The following CDKAL1 variants were observed in gnomAD, a reference collection of about 807,000 sequenced individuals.
The protein encoded by CDKAL1 is CDKAL1 threonylcarbamoyladenosine tRNA methylthiotransferase, also known as threonylcarbamoyladenosine tRNA methylthiotransferase.
In CDKAL1, 32 loss-of-function variants were observed where a neutral mutation model predicts 68.2. The observed-to-expected ratio is 0.47, with a 90% CI of 0.35 to 0.63. CDKAL1 has a LOEUF of 0.63. Among genes scored for constraint, CDKAL1 ranks in the 30% least tolerant of loss-of-function variants. The pLI is 0.00. For synonymous variants in CDKAL1, 234 were observed against 244.3 expected (o/e 0.96, Z 0.39); for missense variants, 606 against 696.7 (o/e 0.87, Z 1.47).
intron 10 of CDKAL1, among the ~76,000 whole-genome samples, chr6:20,972,108 A>C (rs1765628382): frequency 6.6e-6 from 1 of 152,236 alleles, no homozygotes; most frequent in South Asian, 2.1e-4. Flanking sequence ...TCAACACCTG[A>C]GAAAGAAACA....
At chr6:21,062,911 TTTG>T (rs1771221092) in intron 11 of CDKAL1, among the ~76,000 whole-genome samples, 1 of 6,080 alleles carries the variant, frequency 1.6e-4, no homozygotes, top group African/African-American at 4.0e-3. Flanking sequence ...CTGTTTTTTG[TTTG>T]TTTGTTTGTT....
intron 11 of CDKAL1, among the ~76,000 whole-genome samples, chr6:21,038,542 CT>C (rs1399870248): frequency 1.1e-4 from 16 of 152,336 alleles, no homozygotes; most frequent in African/African-American, 3.6e-4. Context: ...TCTGAAATTA[CT>C]TTTAAAATGG....
intron 10 of CDKAL1, among the ~76,000 whole-genome samples, chr6:20,962,177 A>G (rs1212047035): frequency 6.6e-6 from 1 of 152,242 alleles, no homozygotes; most frequent in African/African-American, 2.4e-5. Context: ...GCCAAACAAC[A>G]TTGACACTAA....
intron 11 of CDKAL1, among the ~76,000 whole-genome samples, chr6:21,019,686 G>A (rs529281346): frequency 3.9e-5 from 6 of 152,260 alleles, no homozygotes; most frequent in Admixed American, 6.5e-5. Context: ...GTGCATCACC[G>A]TGATTTCCGA....
chr6:20,943,020 A>C (rs756106786), intron 9 of CDKAL1, among the ~76,000 whole-genome samples: 17 of 149,808 alleles, frequency 1.1e-4, no homozygotes, highest in South Asian at 2.1e-4. Flanking sequence ...TTTCTGGTCC[A>C]ATTCTTTTCT....
chr6:20,792,926 T>TA (rs1775957143), intron 8 of CDKAL1, among the ~76,000 whole-genome samples: 3 of 152,206 alleles, frequency 2.0e-5, no homozygotes, highest in Non-Finnish European at 4.4e-5. Flanking sequence ...GTGTAGGACT[T>TA]AGAGTTGTGT....
chr6:20,568,230 G>A (rs1764542021), intron 4 of CDKAL1, among the ~76,000 whole-genome samples: 1 of 151,866 alleles, frequency 6.6e-6, no homozygotes, highest in Non-Finnish European at 1.5e-5. Context: ...TTTTGCCCAG[G>A]CTCTCCTCCA....
intron 13 of CDKAL1, among the ~76,000 whole-genome samples, chr6:21,113,636 T>C (rs1025157609): frequency 6.6e-6 from 1 of 151,750 alleles, no homozygotes; most frequent in Non-Finnish European, 1.5e-5. Context: ...CCCGGCTAAC[T>C]TTTTGTATTT....
chr6:21,046,850 T>TA (rs953848687), intron 11 of CDKAL1, among the ~76,000 whole-genome samples: 93 of 152,304 alleles, frequency 6.1e-4, no homozygotes, highest in African/African-American at 1.8e-3. Context: ...TGACGAGACT[T>TA]ACACCCTTCA....
intron 9 of CDKAL1, among the ~76,000 whole-genome samples, chr6:20,952,559 A>C (rs935050926): frequency 6.6e-6 from 1 of 152,250 alleles, no homozygotes. Context: ...TGAAGGGCAC[A>C]CGGTAAGGGC....
chr6:20,706,880 G>T (rs772092610), intron 5 of CDKAL1, among the ~76,000 whole-genome samples: 1 of 149,994 alleles, frequency 6.7e-6, no homozygotes, highest in Non-Finnish European at 1.5e-5. Context: ...AATTACCCCA[G>T]TGTACCACCT....
intron 10 of CDKAL1, among the ~76,000 whole-genome samples, chr6:20,996,040 G>A (rs145242523): frequency 5.8e-4 from 88 of 152,296 alleles, no homozygotes; most frequent in Non-Finnish European, 1.1e-3. Flanking sequence ...TGGAAACAGC[G>A]TTCCTTAAAC....
chr6:21,022,286 T>C (rs1768709598), intron 11 of CDKAL1, among the ~76,000 whole-genome samples: 1 of 152,236 alleles, frequency 6.6e-6, no homozygotes, highest in Non-Finnish European at 1.5e-5. Context: ...TAAATAAACA[T>C]AACATTTGTC....
intron 12 of CDKAL1, among the ~76,000 whole-genome samples, chr6:21,100,068 C>CTAGT (rs112436454): frequency 0.21 from 32,368 of 151,934 alleles, 3,618 homozygotes; most frequent in African/African-American, 0.27. Flanking sequence ...CATTTGTTGC[C>CTAGT]TAAAGACCTG....
chr6:20,978,503 A>C (rs1288208608), intron 10 of CDKAL1, among the ~76,000 whole-genome samples: 1 of 152,236 alleles, frequency 6.6e-6, no homozygotes, highest in East Asian at 1.9e-4. Context: ...ATTATGACTA[A>C]TAACGCAAAA....
At position 20,989,851 on chromosome 6, in the gene CDKAL1, A is replaced by AAT. The variant is rs555926640; in HGVS notation, c.910-10364_910-10363dup. Among the ~76,000 whole-genome samples, 636 of 151,960 alleles carry AAT rather than the reference A, an allele frequency of 4.2e-3. 6 individuals carry two copies. Among genetic ancestry groups the AAT allele is most frequent in the African/African-American group, 0.014 (596 of 41,486 alleles). ...ATGTGTTCCATTCTATGAATTTTAAAATATATATATATAGATACATGTAAC... is the reference window on the plus strand; with the variant it reads ...ATGTGTTCCATTCTATGAATTTTAAAATATATATATATATAGATACATGTAAC... On this transcript the variant is annotated intron_variant, in intron 10 of 15. Coordinates refer to ENST00000274695, the MANE Select transcript of CDKAL1 (RefSeq NM_017774.3).
chr6:20,756,535 A>G (rs1774178421), intron 6 of CDKAL1: 1 of 152,196 alleles, frequency 6.6e-6, no homozygotes, highest in African/African-American at 2.4e-5. Context: ...TGGAAGCCAC[A>G]TGGGCTCTTA....
intron 9 of CDKAL1, among the ~76,000 whole-genome samples, chr6:20,927,856 G>C (rs563294295): frequency 6.6e-6 from 1 of 151,950 alleles, no homozygotes; most frequent in Non-Finnish European, 1.5e-5. Context: ...CTTTAGGAGT[G>C]TTACTGAATA....
At chr6:20,899,147 CTCTGCCT>C (rs1761845033) in intron 9 of CDKAL1, among the ~76,000 whole-genome samples, 1 of 150,368 alleles carries the variant, frequency 6.7e-6, no homozygotes, top group Non-Finnish European at 1.5e-5. Context: ...TCACTGCAAG[CTCTGCCT>C]TCTGGGTTCA....
Sources: gnomAD v4.1 joint callset for allele counts (sites outside exome capture counted in the v4.1 genomes callset) on GRCh38, gnomAD v4.1.1 for gene constraint, MANE v1.5 for transcripts, NCBI Gene and HGNC (gene_info 2026-07-23, HGNC 2026-07-21) for gene names.